Variants in EVI5 observed in about 807,000 individuals in gnomAD.
EVI5 encodes the protein ecotropic viral integration site 5, also known as ecotropic viral integration site 5 protein homolog.
A neutral mutation model predicts 112.0 loss-of-function variants in EVI5; 73 were observed. The observed-to-expected ratio is 0.65, with a 90% CI of 0.54 to 0.79. The LOEUF (loss-of-function observed/expected upper bound fraction) is 0.79, where lower values mean the gene tolerates loss of function less well. EVI5 is among the 30% of genes least tolerant of loss of function. The pLI is 0.00. For missense variants in EVI5, 900 were observed against 968.8 expected, an observed-to-expected ratio of 0.93 and a Z score of 0.94; for synonymous variants, 305 against 319.9, an observed-to-expected ratio of 0.95 and a Z score of 0.50.
chr1:92,642,158 T>C (rs904099216), intron 13 of EVI5, among the ~76,000 whole-genome samples: 2 of 152,276 alleles, frequency 1.3e-5, no homozygotes, highest in African/African-American at 4.8e-5. Flanking sequence ...GAAAAATCTA[T>C]AATTTTTATA....
At chr1:92,732,473 C>A in intron 2 of EVI5, 1 of 192,630 alleles carries the variant, frequency 5.2e-6, no homozygotes, top group Non-Finnish European at 1.1e-5. Flanking sequence ...TATATCACTG[C>A]CACAGGGAGA....
chr1:92,627,241 A>G (rs1049786005), intron 14 of EVI5, among the ~76,000 whole-genome samples: 5 of 152,210 alleles, frequency 3.3e-5, no homozygotes, highest in African/African-American at 1.2e-4. Context: ...TAGCTCCCAC[A>G]TATCAGTGAG....
intron 10 of EVI5, among the ~76,000 whole-genome samples, chr1:92,666,484 G>A (rs1306263936): frequency 2.2e-5 from 3 of 138,226 alleles, no homozygotes; most frequent in Middle Eastern, 3.6e-3. Context: ...TGAGGTGGGG[G>A]GCTGGGAGGT....
At chr1:92,699,214 AATTC>A (rs1670758533) in intron 5 of EVI5, among the ~76,000 whole-genome samples, 1 of 152,080 alleles carries the variant, frequency 6.6e-6, no homozygotes, top group South Asian at 2.1e-4. Flanking sequence ...TATCTCTATT[AATTC>A]TATCAAGCCC....
chr1:92,778,470 G>A (rs1039525184), intron 1 of EVI5, among the ~76,000 whole-genome samples: 2 of 152,190 alleles, frequency 1.3e-5, no homozygotes, highest in African/African-American at 2.4e-5. Context: ...TCCTAACAGA[G>A]ACAGATTGTG....
At chr1:92,613,320 CAG>C (rs1161275659) in intron 16 of EVI5, among the ~76,000 whole-genome samples, 1 of 152,088 alleles carries the variant, frequency 6.6e-6, no homozygotes, top group African/African-American at 2.4e-5. Flanking sequence ...TTCTTTGAGA[CAG>C]AGTTTCACTC....
intron 9 of EVI5, among the ~76,000 whole-genome samples, chr1:92,691,297 G>A (rs1043953739): frequency 6.6e-6 from 1 of 151,966 alleles, no homozygotes; most frequent in South Asian, 2.1e-4. Context: ...GTATTAAAGA[G>A]TGAAGTGTCA....
At chr1:92,769,089 T>C (rs1326085248) in intron 1 of EVI5, among the ~76,000 whole-genome samples, 1 of 152,222 alleles carries the variant, frequency 6.6e-6, no homozygotes, top group African/African-American at 2.4e-5. Context: ...AAGAACCTCT[T>C]TGTTGCTAAA....
chr1:92,704,646 A>G lies in EVI5; in HGVS notation c.248T>C (p.Leu83Pro), dbSNP rs1671700914. The change falls in exon 3 of 20, where the codon CTC (leucine) becomes CCC (proline). Residue 83 changes from leucine (L) to proline (P), a missense_variant. Physicochemically the swap from Leu to Pro is moderately conservative, Grantham distance 98. Coordinates refer to ENST00000684568, the MANE Select transcript of EVI5 (RefSeq NM_001350197.2). Reference sequence around the variant, plus strand: ...CCAAGAATCTTCTTCAAGGTGACTGAGGTTGCTAGAGGCTGATGAACTCGA... The same window carrying G: ...CCAAGAATCTTCTTCAAGGTGACTGGGGTTGCTAGAGGCTGATGAACTCGA... ...LVSSSSASSN[L>P]SHLEEDSWIL... 1.9e-6 allele frequency: 3 copies of G among 1,603,968 alleles called. No homozygotes were observed. The highest frequency in any genetic ancestry group is 1.3e-5 in the African/African-American group (1 of 74,832).
chr1:92,624,245 T>A lies in EVI5; in HGVS notation c.1758A>T (p.Arg586=). The A allele has an allele frequency of 6.2e-7, 1 of 1,613,306 alleles. No individual in the cohort carries two copies. Among genetic ancestry groups the A allele is most frequent in the East Asian group, 2.2e-5 (1 of 44,846 alleles). ...NELQDELMTI[R]LREAETQAEI... is the part of the protein sequence containing the mutation. ...CTGCTTGTGTTTCAGCTTCTCTAAG[T>A]CGAATGGTCATCAGTTCATCTTGTA... The change falls in exon 16 of 20, where the codon CGA becomes CGT. Residue 586 remains arginine (R), a synonymous_variant. Transcript: ENST00000684568.
rs199911199 is a variant in EVI5, at chr1:92,624,247, G to C, written c.1756C>G (p.Arg586Gly). Residue 586 changes from arginine to glycine, a missense_variant, in exon 16 of 20, where the codon CGA becomes GGA. By Grantham distance (125) the Arg-to-Gly change is moderately radical. Coordinates refer to ENST00000684568, the MANE Select transcript of EVI5 (RefSeq NM_001350197.2). ...NELQDELMTI[R>G]LREAETQAEI... ...GCTTGTGTTTCAGCTTCTCTAAGTC[G>C]AATGGTCATCAGTTCATCTTGTAAC... The C allele has an allele frequency of 1.2e-6, 2 of 1,612,916 alleles. No individual in the cohort carries two copies. Among genetic ancestry groups the C allele is most frequent in the Non-Finnish European group, 1.7e-6 (2 of 1,179,218 alleles).
chr1:92,788,463 G>A (rs1570985933), upstream of EVI5, among the ~76,000 whole-genome samples: 1 of 149,912 alleles, frequency 6.7e-6, no homozygotes, highest in South Asian at 2.1e-4. Flanking sequence ...GACAGAGTGA[G>A]AGACTCCATC....
chr1:92,649,078 GAA>G (rs1221470057), intron 13 of EVI5, among the ~76,000 whole-genome samples: 6 of 152,176 alleles, frequency 3.9e-5, no homozygotes, highest in Non-Finnish European at 7.3e-5. Context: ...TAATGGATGT[GAA>G]GAGGCACCTC....
At chr1:92,660,999 A>G (rs1663903562) in intron 13 of EVI5, among the ~76,000 whole-genome samples, 1 of 151,240 alleles carries the variant, frequency 6.6e-6, no homozygotes, top group Non-Finnish European at 1.5e-5. Flanking sequence ...GTCTAGCCCT[A>G]TTTAATCATT....
intron 1 of EVI5, among the ~76,000 whole-genome samples, chr1:92,779,030 G>A (rs1684527273): frequency 1.3e-5 from 2 of 151,844 alleles, no homozygotes; most frequent in Non-Finnish European, 2.9e-5. Flanking sequence ...GAGAATCACT[G>A]CTTTAGACTC....
rs1418957166 is a variant in EVI5 at position 92,725,779 on chromosome 1, T to TG, written c.149+10618dup. Among the ~76,000 whole-genome samples, 13 of 147,552 alleles carry TG rather than the reference T, an allele frequency of 8.8e-5. No homozygotes were observed. The East Asian group carries it at 1.6e-3, about 18-fold the overall frequency. On this transcript the variant is annotated intron_variant, in intron 2 of 19. Coordinates refer to ENST00000684568, the MANE Select transcript of EVI5 (RefSeq NM_001350197.2). ...AAGAAAAGCATAACCAATAATGAGG[T>TG]GGGGGGGAAATCAATCCATCAAAAG...
chr1:92,577,481 G>A (rs1671259231), intron 18 of EVI5, among the ~76,000 whole-genome samples: 1 of 152,354 alleles, frequency 6.6e-6, no homozygotes, highest in South Asian at 2.1e-4. Flanking sequence ...CCAGCAGGCT[G>A]TCTTGAGGAA....
intron 19 of EVI5, among the ~76,000 whole-genome samples, chr1:92,543,163 G>T (rs10735779): frequency 0.85 from 129,659 of 152,206 alleles, 55,605 homozygotes; most frequent in East Asian, 0.97. Flanking sequence ...TAAGACTGTT[G>T]CATCTACATT....
intron 19 of EVI5, among the ~76,000 whole-genome samples, chr1:92,551,218 A>G (rs942000495): frequency 6.6e-6 from 1 of 151,470 alleles, no homozygotes; most frequent in African/African-American, 2.4e-5. Context: ...ATTTTTGTAG[A>G]GACAGGGTTT....
Sources: gnomAD v4.1 joint callset for allele counts (sites outside exome capture counted in the v4.1 genomes callset) on GRCh38, gnomAD v4.1.1 for gene constraint, MANE v1.5 for transcripts, NCBI Gene and HGNC (gene_info 2026-07-23, HGNC 2026-07-21) for gene names.